The following CERS6 variants were observed in gnomAD, a reference collection of about 807,000 sequenced individuals.
CERS6 encodes LAG1 homolog, ceramide synthase 6.
A neutral mutation model predicts 56.8 loss-of-function variants in CERS6; 26 were observed. The ratio of observed to expected loss-of-function variants is 0.46; its 90% confidence interval spans 0.34 to 0.63. CERS6 has a LOEUF of 0.63. Among genes scored for constraint, CERS6 ranks in the 30% least tolerant of loss-of-function variants. The pLI is 0.01. For synonymous variants in CERS6, 164 were observed against 173.3 expected, an observed-to-expected ratio of 0.95 and a Z score of 0.42; for missense variants, 415 against 467.5, an observed-to-expected ratio of 0.89 and a Z score of 1.04.
At position 168,621,655 on chromosome 2, in the gene CERS6, A is replaced by G. The variant is rs543155552; in HGVS notation, c.408-9330A>G. Among the ~76,000 whole-genome samples the G allele has an allele frequency of 2.6e-5, 4 of 152,292 alleles. No individual in the cohort carries two copies. The East Asian group carries it at 7.7e-4, about 29-fold the overall frequency. ...AATTCTACCTTGCTGGGTGCTTGAC[A>G]AGGGTAGTCAACTTGGAGAGAAAAG... is the stretch of plus-strand genomic sequence containing the variant. On this transcript the variant is annotated intron_variant, in intron 3 of 9. Coordinates refer to ENST00000305747, the MANE Select transcript of CERS6 (RefSeq NM_203463.3).
At chr2:168,693,316 A>C (rs561383099) in intron 5 of CERS6, among the ~76,000 whole-genome samples, 22 of 152,266 alleles carry the variant, frequency 1.4e-4, no homozygotes, top group African/African-American at 4.8e-4. Flanking sequence ...TTAACATGTG[A>C]GTGAGCATTG....
chr2:168,728,704 CA>C (rs1188681374), intron 8 of CERS6, among the ~76,000 whole-genome samples: 2 of 151,482 alleles, frequency 1.3e-5, no homozygotes, highest in African/African-American at 4.9e-5. Context: ...CTTGAATCAA[CA>C]AAAAAATGCA....
intron 8 of CERS6, among the ~76,000 whole-genome samples, chr2:168,723,690 CTGTTATGAG>C (rs1307995621): frequency 4.6e-5 from 7 of 152,106 alleles, no homozygotes; most frequent in African/African-American, 1.4e-4. Flanking sequence ...CTTGTTAATA[CTGTTATGAG>C]TTTCCTCCAG....
chr2:168,555,722 CTGTGTGTGTGTGTGTGTGTGTG>C (rs58781728), intron 2 of CERS6, among the ~76,000 whole-genome samples: 24 of 141,010 alleles, frequency 1.7e-4, no homozygotes, highest in African/African-American at 6.6e-4. Context: ...ATAATTGACT[CTGTGTGTGTGTGTGTGTGTGTG>C]TGTGTGTGTG....
intron 9 of CERS6, chr2:168,766,416 C>A (rs1026371165): frequency 1.5e-6 from 2 of 1,333,428 alleles, no homozygotes; most frequent in Middle Eastern, 1.8e-4. Flanking sequence ...CACTCAGATG[C>A]TTTTGTTTCC....
intron 8 of CERS6, among the ~76,000 whole-genome samples, chr2:168,744,570 T>TA (rs1280727486): frequency 1.3e-5 from 2 of 152,210 alleles, no homozygotes; most frequent in Non-Finnish European, 2.9e-5. Flanking sequence ...GTCCCTGAAT[T>TA]ATCTATGAGT....
intron 4 of CERS6, among the ~76,000 whole-genome samples, chr2:168,677,696 T>A (rs1261697355): frequency 6.6e-6 from 1 of 152,086 alleles, no homozygotes; most frequent in Non-Finnish European, 1.5e-5. Flanking sequence ...AGGGTTTCTC[T>A]ATGTTGGTCA....
intron 8 of CERS6, among the ~76,000 whole-genome samples, chr2:168,754,121 A>G (rs1342067384): frequency 6.6e-6 from 1 of 152,152 alleles, no homozygotes; most frequent in African/African-American, 2.4e-5. Context: ...CGTGTTAAGT[A>G]TCAGAGTCCA....
At chr2:168,595,085 A>G (rs1452196087) in intron 3 of CERS6, among the ~76,000 whole-genome samples, 6 of 152,166 alleles carry the variant, frequency 3.9e-5, no homozygotes, top group Non-Finnish European at 5.9e-5. Flanking sequence ...GAAAGTGACC[A>G]TTGTCCTCTA....
At chr2:168,604,446 A>T (rs1163612839) in intron 3 of CERS6, among the ~76,000 whole-genome samples, 1 of 152,008 alleles carries the variant, frequency 6.6e-6, no homozygotes, top group Non-Finnish European at 1.5e-5. Context: ...CAGTCAATCA[A>T]ATCTGGCCTG....
chr2:168,734,293 T>C (rs1172422759), intron 8 of CERS6, among the ~76,000 whole-genome samples: 1 of 152,092 alleles, frequency 6.6e-6, no homozygotes, highest in African/African-American at 2.4e-5. Context: ...GGCTGGGAGA[T>C]GCCCAGGAAA....
At chr2:168,741,734 A>C (rs1489587162) in intron 8 of CERS6, among the ~76,000 whole-genome samples, 1 of 152,220 alleles carries the variant, frequency 6.6e-6, no homozygotes, top group Non-Finnish European at 1.5e-5. Context: ...TACAGGGCCT[A>C]GCTCAGGCAG....
chr2:168,586,293 C>T (rs904504767), intron 3 of CERS6, among the ~76,000 whole-genome samples: 3 of 151,196 alleles, frequency 2.0e-5, no homozygotes, highest in African/African-American at 7.3e-5. Flanking sequence ...CTTTGATTTA[C>T]AATTAAAGAA....
chr2:168,596,590 A>G (rs73024513), intron 3 of CERS6, among the ~76,000 whole-genome samples: 3,970 of 111,476 alleles, frequency 0.036, 232 homozygotes, highest in African/African-American at 0.13. Context: ...GTCTCACTCT[A>G]TCATCCAAAC....
chr2:168,728,512 C>T (rs1003566312), intron 8 of CERS6, among the ~76,000 whole-genome samples: 1 of 150,078 alleles, frequency 6.7e-6, no homozygotes, highest in Non-Finnish European at 1.5e-5. Flanking sequence ...GACTCAGCCT[C>T]TCAAGTAGCT....
chr2:168,570,127 A>G (rs1057232358), intron 3 of CERS6, among the ~76,000 whole-genome samples: 17 of 152,164 alleles, frequency 1.1e-4, no homozygotes, highest in African/African-American at 4.1e-4. Flanking sequence ...ATCCAAGAAG[A>G]TGCAAGGAGA....
chr2:168,569,164 C>A (rs1695936964), intron 3 of CERS6, among the ~76,000 whole-genome samples: 1 of 152,180 alleles, frequency 6.6e-6, no homozygotes, highest in Non-Finnish European at 1.5e-5. Context: ...TTCTCCAGGG[C>A]CTTCTTTCCC....
At chr2:168,638,248 A>C (rs115334047) in intron 4 of CERS6, among the ~76,000 whole-genome samples, 1,860 of 152,270 alleles carry the variant, frequency 0.012, 32 homozygotes, top group African/African-American at 0.041. Flanking sequence ...TCCTTTTTAC[A>C]CAAGTTGGTA....
At chr2:168,606,824 C>T (rs1684063890) in intron 3 of CERS6, among the ~76,000 whole-genome samples, 1 of 152,144 alleles carries the variant, frequency 6.6e-6, no homozygotes, top group South Asian at 2.1e-4. Flanking sequence ...TTGGTACTGT[C>T]ATTGCAATAG....
Sources: allele counts gnomAD v4.1 joint callset (sites outside exome capture counted in the v4.1 genomes callset), GRCh38; gene constraint gnomAD v4.1.1; transcripts MANE v1.5; gene names NCBI Gene and HGNC (gene_info 2026-07-23, HGNC 2026-07-21).